Variants in ADH1C observed in about 807,000 individuals in gnomAD.
The protein encoded by ADH1C is alcohol dehydrogenase 1C (class I), gamma polypeptide.
Under a neutral mutation model 35.0 loss-of-function variants are expected in ADH1C, and 26 were observed. That is an observed-to-expected ratio of 0.74 (90% CI 0.54 to 1.03). ADH1C has a LOEUF of 1.03. Among genes scored for constraint, ADH1C ranks in the 50% least tolerant of loss-of-function variants. The pLI is 0.00. For missense variants in ADH1C, 413 were observed against 465.4 expected (o/e 0.89, Z 1.04); for synonymous variants, 170 against 169.3 (o/e 1.00, Z -0.03).
chr4:99,346,123 G>A (rs1315163802), intron 3 of ADH1C, among the ~76,000 whole-genome samples: 2 of 151,946 alleles, frequency 1.3e-5, no homozygotes, highest in African/African-American at 2.4e-5. Flanking sequence ...TGGACAGGTC[G>A]AATCCATTGG....
chr4:99,349,851 TA>T (rs35920708), intron 1 of ADH1C, among the ~76,000 whole-genome samples: 47,360 of 151,852 alleles, frequency 0.31, 8,818 homozygotes, highest in Non-Finnish European at 0.41. Flanking sequence ...CACATGTATT[TA>T]AAAACTGGAG....
chr4:99,350,106 A>G (rs1007300184), intron 1 of ADH1C, among the ~76,000 whole-genome samples: 6 of 152,094 alleles, frequency 3.9e-5, no homozygotes, highest in African/African-American at 1.4e-4. Flanking sequence ...AAATCCTTCA[A>G]CTTTGCAGGA....
rs1734374588 is a variant in ADH1C, at chr4:99,339,932, A to G, written c.965-217T>C. On this transcript the variant is annotated intron_variant, in intron 7 of 8. Transcript: ENST00000515683. ...GGTCCTTAGTTATTCTCTCTCTCAC[A>G]GAGAAATTATAGTACAGATGTTATG... Among the ~76,000 whole-genome samples, 2 of 152,250 alleles carry G rather than the reference A, an allele frequency of 1.3e-5. 1 individual carries two copies. Among genetic ancestry groups the G allele is most frequent in the Non-Finnish European group, 2.9e-5 (2 of 68,048 alleles).
At chr4:99,347,432 A>G (rs915969899) in intron 2 of ADH1C, among the ~76,000 whole-genome samples, 1 of 152,218 alleles carries the variant, frequency 6.6e-6, no homozygotes, top group African/African-American at 2.4e-5. Context: ...AAGAAAAAGA[A>G]GTAGAAATTG....
rs1437547077 is a variant in ADH1C at position 99,347,802 on chromosome 4, G to C, written c.63C>G (p.Pro21=). Residue 21 remains proline (P), a synonymous_variant, in exon 2 of 9, where the codon CCC becomes CCG. Coordinates refer to ENST00000515683, the MANE Select transcript of ADH1C (RefSeq NM_000669.5). ...CAACCTCTACCTCCTCAATGGAAAA[G>C]GGTTTCTTTAACTCCCATAGCACAG... ...KAAVLWELKK[P]FSIEEVEVAP... is the part of the protein sequence containing the mutation. The C allele has an allele frequency of 1.2e-6, 2 of 1,613,906 alleles. No individual in the cohort carries two copies. The highest frequency in any genetic ancestry group is 8.5e-7 in the Non-Finnish European group (1 of 1,179,846).
At chr4:99,342,012 A>C (rs77266455) in intron 6 of ADH1C, among the ~76,000 whole-genome samples, 13 of 3,252 alleles carry the variant, frequency 4.0e-3, no homozygotes, top group Non-Finnish European at 6.5e-3. Context: ...CCCTGTCTCA[A>C]AAAAAAAAAA....
chr4:99,349,935 T>G (rs760271527), intron 1 of ADH1C, among the ~76,000 whole-genome samples: 4 of 152,198 alleles, frequency 2.6e-5, no homozygotes, highest in Non-Finnish European at 5.9e-5. Context: ...TGATCACATA[T>G]TTCCAGTGCT....
At chr4:99,338,124 G>A (rs904254951) in intron 8 of ADH1C, among the ~76,000 whole-genome samples, 2 of 151,402 alleles carry the variant, frequency 1.3e-5, no homozygotes, top group African/African-American at 4.8e-5. Flanking sequence ...TACTATGAAA[G>A]TATATGAAAG....
chr4:99,344,772 AATAATTTCTG>A (rs1734489679), intron 5 of ADH1C, 80 bp downstream of exon 5: 1 of 1,542,178 alleles, frequency 6.5e-7, no homozygotes, highest in African/African-American at 1.4e-5. Context: ...AATCTACAAA[AATAATTTCTG>A]ATTCTTGCAA....
intron 3 of ADH1C, 73 bp downstream of exon 3, chr4:99,346,933 C>T (rs372339655): frequency 1.1e-4 from 171 of 1,560,066 alleles, no homozygotes; most frequent in Admixed American, 1.9e-4. Flanking sequence ...TTCATTGCCT[C>T]GGTTTCCTCA....
intron 6 of ADH1C, among the ~76,000 whole-genome samples, chr4:99,342,368 G>A (rs984282025): frequency 2.0e-5 from 3 of 152,072 alleles, no homozygotes; most frequent in Admixed American, 1.3e-4. Context: ...TCTTTTGACC[G>A]AAGAATACTA....
chr4:99,342,826 G>A lies in ADH1C; in HGVS notation c.797C>T (p.Ser266Leu), dbSNP rs1005267020. 10 of 1,613,870 alleles carry A rather than the reference G, an allele frequency of 6.2e-6. No homozygotes were observed. The highest frequency in any genetic ancestry group is 1.3e-5 in the African/African-American group (1 of 74,910). The change falls in exon 6 of 9, where the codon TCG becomes TTG. Residue 266 changes from serine (S) to leucine (L), a missense_variant. Coordinates refer to ENST00000515683, the MANE Select transcript of ADH1C (RefSeq NM_000669.5). Reference sequence around the variant, plus strand: ...GTCAAGCCGACCGATGACTTCAAACGAAAAATCCACACCTCCATCAGTCAT... The same window carrying A: ...GTCAAGCCGACCGATGACTTCAAACAAAAAATCCACACCTCCATCAGTCAT... ...KEMTDGGVDF[S>L]FEVIGRLDTM...
At chr4:99,351,766 T>C (rs1423859427) in intron 1 of ADH1C, among the ~76,000 whole-genome samples, 1 of 152,226 alleles carries the variant, frequency 6.6e-6, no homozygotes, top group African/African-American at 2.4e-5. Context: ...TATTGTGTGA[T>C]ACACTCCTAG....
intron 3 of ADH1C, 47 bp from the exon 4 acceptor site, chr4:99,345,313 T>C (rs1315574334): frequency 1.9e-6 from 3 of 1,545,176 alleles, no homozygotes; most frequent in Admixed American, 1.8e-5. Context: ...ATGCAGGAAT[T>C]AATAGAGCAA....
At chr4:99,339,510 AC>A in intron 8 of ADH1C, 66 bp downstream of exon 8, 2 of 894,320 alleles carry the variant, frequency 2.2e-6, no homozygotes, top group Non-Finnish European at 1.5e-6. Context: ...CTGCTAGACA[AC>A]GCCCCCCCCC....
At chr4:99,347,960 G>A (rs1348121860) in intron 1 of ADH1C, 114 bp from the exon 2 acceptor site, 4 of 1,182,364 alleles carry the variant, frequency 3.4e-6, no homozygotes, top group East Asian at 4.8e-5. Flanking sequence ...CACCTAACAA[G>A]TGTTGCATAG....
intron 5 of ADH1C, 80 bp from the exon 6 acceptor site, chr4:99,343,135 G>T: frequency 1.3e-6 from 2 of 1,549,314 alleles, no homozygotes; most frequent in South Asian, 1.2e-5. Context: ...GCCATGTCTT[G>T]TGTGTTATCA....
chr4:99,336,629 C>A lies in ADH1C; in HGVS notation c.*123G>T. The A allele has an allele frequency of 1.7e-6, 2 of 1,207,904 alleles. No homozygotes were observed. Among genetic ancestry groups the A allele is most frequent in the Non-Finnish European group, 2.4e-6 (2 of 840,790 alleles). The allele number at this position is 1,207,904 out of a possible 1,614,324, so 74.8% of individuals were successfully genotyped here. A position where few individuals can be genotyped will look rare whatever the true frequency, so the allele number is the denominator to read the frequency against. ...AATTTCCATTTCTTTGGAAAGCTCC[C>A]ACGTGTAATTTATTTTTAACATCTC... On this transcript the variant is annotated 3_prime_UTR_variant, in exon 9 of 9. Transcript: ENST00000515683.
In ADH1C at chr4:99,342,787, G is replaced by T. The variant is rs768819519; in HGVS notation, c.828+8C>A. On this transcript the variant is annotated splice_region_variant and intron_variant, in intron 6 of 8. Coordinates refer to ENST00000515683, the MANE Select transcript of ADH1C (RefSeq NM_000669.5). ...GGCAGAAATTTCAGGGCATGTCACG[G>T]ATCATACCATGGTGTCAAGCCGACC... 14 of 1,613,854 alleles carry T rather than the reference G, an allele frequency of 8.7e-6. No individual in the cohort carries two copies. Among genetic ancestry groups the T allele is most frequent in the Admixed American group, 1.7e-5 (1 of 59,998 alleles).
Sources: allele counts gnomAD v4.1 joint callset (sites outside exome capture counted in the v4.1 genomes callset), GRCh38; gene constraint gnomAD v4.1.1; transcripts MANE v1.5; gene names NCBI Gene and HGNC (gene_info 2026-07-23, HGNC 2026-07-21).